Variants in RAPGEF6 observed in about 807,000 individuals in gnomAD.
RAPGEF6 encodes the protein Rap guanine nucleotide exchange factor 6, also known as PDZ domain containing guanine nucleotide exchange factor (GEF) 2.
Under a neutral mutation model 171.4 loss-of-function variants are expected in RAPGEF6, and 56 were observed. That is an observed-to-expected ratio of 0.33 (90% confidence interval 0.26 to 0.41). The LOEUF is 0.41. Among genes scored for constraint, RAPGEF6 ranks in the 10% least tolerant of loss-of-function variants. The pLI is 1.00. For synonymous variants in RAPGEF6, 692 were observed against 650.1 expected, an observed-to-expected ratio of 1.06 and a Z score of -0.98; for missense variants, 1,674 against 1,921.4, an observed-to-expected ratio of 0.87 and a Z score of 2.41.
intron 1 of RAPGEF6, among the ~76,000 whole-genome samples, chr5:131,609,068 G>A (rs534988400): frequency 1.3e-5 from 2 of 152,324 alleles, no homozygotes; most frequent in East Asian, 1.9e-4. Flanking sequence ...GATTACAGGC[G>A]TGAGCCACTG....
Position 131,428,915 on chromosome 5 carries a change from A to AT in RAPGEF6, c.4766dup (p.Asp1589GlufsTer2). The AT allele has an allele frequency of 6.2e-7, 1 of 1,613,238 alleles. No homozygotes were observed. Among genetic ancestry groups the AT allele is most frequent in the Non-Finnish European group, 8.5e-7 (1 of 1,179,154 alleles). ...TTGTCAACATACCATCTGCTTCGCT[A>AT]TCTGCATCAGTCACATCTCCTAGTT... is the stretch of plus-strand genomic sequence containing the variant. On this transcript the variant is annotated frameshift_variant, in exon 27 of 28. Coordinates refer to ENST00000509018, the MANE Select transcript of RAPGEF6 (RefSeq NM_016340.6). LOFTEE classifies it high-confidence loss of function.
chr5:131,448,544 T>A (rs1580838000), intron 21 of RAPGEF6, among the ~76,000 whole-genome samples: 1 of 152,166 alleles, frequency 6.6e-6, no homozygotes, highest in East Asian at 1.9e-4. Flanking sequence ...TGCAGCTATT[T>A]AGGAGCAAAT....
rs761066113 is a variant in RAPGEF6 at position 131,453,071 on chromosome 5, A to T, written c.3183T>A (p.Ala1061=). ...VRMTSANMDP[A]MMFRQRSLSQ... ...TGTCCTACCTCTGTCGAAACATCAT[A>T]GCTGGGTCCATGTTAGCAGAAGTCA... is the stretch of plus-strand genomic sequence containing the variant. Residue 1061 remains alanine (A), a synonymous_variant, in exon 21 of 28, where the codon GCT becomes GCA. Transcript: ENST00000509018. 19 of 1,613,900 alleles carry T rather than the reference A, an allele frequency of 1.2e-5. No homozygotes were observed. The Admixed American group carries it at 3.2e-4, about 27-fold the overall frequency.
chr5:131,561,335 T>C (rs572778006), intron 5 of RAPGEF6, among the ~76,000 whole-genome samples: 1 of 152,218 alleles, frequency 6.6e-6, no homozygotes, highest in African/African-American at 2.4e-5. Flanking sequence ...TCAAAGTTTA[T>C]TGAAAAAGTA....
chr5:131,498,036 T>G (rs1756747913), intron 12 of RAPGEF6, among the ~76,000 whole-genome samples: 1 of 152,222 alleles, frequency 6.6e-6, no homozygotes, highest in African/African-American at 2.4e-5. Context: ...ATAAAAATAT[T>G]CCCATTTTGA....
chr5:131,584,998 C>T (rs570779227), intron 4 of RAPGEF6, among the ~76,000 whole-genome samples: 1 of 152,042 alleles, frequency 6.6e-6, no homozygotes. Flanking sequence ...TTAAGGGATA[C>T]TTTATTAAAG....
intron 8 of RAPGEF6, among the ~76,000 whole-genome samples, chr5:131,508,894 T>C (rs1757534231): frequency 6.6e-6 from 1 of 152,230 alleles, no homozygotes; most frequent in African/African-American, 2.4e-5. Flanking sequence ...TACAATTCTT[T>C]ATCAGTAAAA....
chr5:131,454,236 T>C (rs1403486518), intron 20 of RAPGEF6, among the ~76,000 whole-genome samples: 2 of 152,204 alleles, frequency 1.3e-5, no homozygotes, highest in East Asian at 3.8e-4. Context: ...TAAAAGTCTT[T>C]TGTTAAATTA....
At chr5:131,585,289 TATACATACATAC>T (rs3058508) in intron 4 of RAPGEF6, among the ~76,000 whole-genome samples, 56 of 135,042 alleles carry the variant, frequency 4.1e-4, no homozygotes, top group African/African-American at 1.2e-3. Context: ...AAAAAAAAAC[TATACATACATAC>T]ATACATACAT....
intron 5 of RAPGEF6, 143 bp downstream of exon 5, chr5:131,561,835 C>A (rs997593788): frequency 2.4e-5 from 15 of 613,278 alleles, no homozygotes; most frequent in Non-Finnish European, 3.9e-5. Context: ...AATAGATAAA[C>A]CTGGTAGATA....
intron 22 of RAPGEF6, among the ~76,000 whole-genome samples, chr5:131,443,428 GGGTCAA>G (rs1366433210): frequency 6.6e-6 from 1 of 152,134 alleles, no homozygotes; most frequent in Non-Finnish European, 1.5e-5. Context: ...ACTCTGCTGA[GGGTCAA>G]GTTAACATTC....
At chr5:131,546,248 T>G (rs1280020280) in intron 6 of RAPGEF6, among the ~76,000 whole-genome samples, 3 of 152,170 alleles carry the variant, frequency 2.0e-5, no homozygotes, top group African/African-American at 7.2e-5. Flanking sequence ...TTCTACCTCT[T>G]GACATTTTTT....
chr5:131,519,201 C>T (rs1474915339), intron 7 of RAPGEF6, among the ~76,000 whole-genome samples: 1 of 152,184 alleles, frequency 6.6e-6, no homozygotes, highest in Non-Finnish European at 1.5e-5. Context: ...GAGTAATCTG[C>T]AGGTGCTAAT....
At chr5:131,524,879 G>A (rs1758775771) in intron 6 of RAPGEF6, among the ~76,000 whole-genome samples, 1 of 152,270 alleles carries the variant, frequency 6.6e-6, no homozygotes, top group Non-Finnish European at 1.5e-5. Context: ...GCCTCCCAAA[G>A]TGCTGGGATT....
intron 4 of RAPGEF6, among the ~76,000 whole-genome samples, chr5:131,562,633 T>A (rs898333627): frequency 2.6e-5 from 4 of 152,186 alleles, no homozygotes; most frequent in Non-Finnish European, 5.9e-5. Context: ...TGTGCATCCT[T>A]CCATATGCTT....
intron 14 of RAPGEF6, 87 bp from the exon 15 acceptor site, chr5:131,489,741 A>T: frequency 1.5e-6 from 1 of 656,806 alleles, no homozygotes; most frequent in Non-Finnish European, 2.5e-6. Context: ...AATAAATAAA[A>T]TGAAACTTGA....
At chr5:131,454,818 A>G (rs1448854432) in intron 20 of RAPGEF6, among the ~76,000 whole-genome samples, 2 of 152,228 alleles carry the variant, frequency 1.3e-5, no homozygotes, top group Non-Finnish European at 2.9e-5. Context: ...AATTAAGAAA[A>G]AACAAAATCT....
chr5:131,469,771 A>G (rs901200517), intron 17 of RAPGEF6: 136 of 1,448,092 alleles, frequency 9.4e-5, no homozygotes, highest in Non-Finnish European at 1.2e-4. Flanking sequence ...AACAAGGGCA[A>G]TAGAATACTA....
At chr5:131,583,650 T>G (rs1763090060) in intron 4 of RAPGEF6, among the ~76,000 whole-genome samples, 1 of 152,208 alleles carries the variant, frequency 6.6e-6, no homozygotes, top group South Asian at 2.1e-4. Flanking sequence ...TACTGATTTG[T>G]GTCTTTGCCT....
Sources: gnomAD v4.1 joint callset for allele counts (sites outside exome capture counted in the v4.1 genomes callset) on GRCh38, gnomAD v4.1.1 for gene constraint, MANE v1.5 for transcripts, NCBI Gene and HGNC (gene_info 2026-07-23, HGNC 2026-07-21) for gene names.